The following SPAG16 variants were observed in gnomAD, a reference collection of about 807,000 sequenced individuals.
The protein encoded by SPAG16 is sperm-associated antigen 16 protein.
In SPAG16, 86 loss-of-function variants were observed where a neutral mutation model predicts 80.4. The ratio of observed to expected loss-of-function variants is 1.07; its 90% CI spans 0.90 to 1.28. The LOEUF (loss-of-function observed/expected upper bound fraction) is 1.28. SPAG16 is among the 50% of genes most tolerant of loss of function. SPAG16 has a pLI of 0.00. For synonymous variants in SPAG16, 294 were observed against 265.9 expected (o/e 1.11, Z -1.03); for missense variants, 870 against 765.3 (o/e 1.14, Z -1.61).
chr2:213,505,929 T>G (rs2074950361), intron 10 of SPAG16, among the ~76,000 whole-genome samples: 1 of 151,616 alleles, frequency 6.6e-6, no homozygotes, highest in South Asian at 2.1e-4. Context: ...AAATCATATA[T>G]AATAATATAT....
intron 15 of SPAG16, among the ~76,000 whole-genome samples, chr2:214,306,282 ACT>A (rs1287808563): frequency 6.6e-6 from 1 of 152,072 alleles, no homozygotes; most frequent in Admixed American, 6.6e-5. Flanking sequence ...TGGGGCTGAG[ACT>A]CTGGGATTTT....
At chr2:214,166,905 G>C (rs937327552) in intron 15 of SPAG16, among the ~76,000 whole-genome samples, 2 of 152,110 alleles carry the variant, frequency 1.3e-5, no homozygotes, top group African/African-American at 4.8e-5. Flanking sequence ...AAACCAAGAA[G>C]AGCTGGTATC....
chr2:214,302,228 C>G (rs998627702), intron 15 of SPAG16, among the ~76,000 whole-genome samples: 1 of 152,160 alleles, frequency 6.6e-6, no homozygotes, highest in Non-Finnish European at 1.5e-5. Flanking sequence ...ATGTTCTACG[C>G]ACAGATAATA....
chr2:214,102,031 C>T (rs955730948), intron 13 of SPAG16, among the ~76,000 whole-genome samples: 1 of 150,688 alleles, frequency 6.6e-6, no homozygotes, highest in Non-Finnish European at 1.5e-5. Context: ...CATTTCATGT[C>T]ATGACTGATC....
chr2:213,959,639 C>T (rs1218648728), intron 12 of SPAG16, among the ~76,000 whole-genome samples: 1 of 152,186 alleles, frequency 6.6e-6, no homozygotes, highest in African/African-American at 2.4e-5. Flanking sequence ...GGCATAATTA[C>T]ACAGGTACTC....
At chr2:213,407,989 G>T in intron 9 of SPAG16, among the ~76,000 whole-genome samples, 1 of 128,218 alleles carries the variant, frequency 7.8e-6, no homozygotes, top group South Asian at 2.9e-4. Flanking sequence ...AGAGAGAGGA[G>T]AGAGGCAGAG....
chr2:213,891,358 A>G (rs2076779929), intron 11 of SPAG16, among the ~76,000 whole-genome samples: 1 of 152,124 alleles, frequency 6.6e-6, no homozygotes, highest in African/African-American at 2.4e-5. Context: ...GGCTTTCAAA[A>G]TATGTTTTAA....
chr2:214,093,887 C>T (rs2052398692), intron 13 of SPAG16, among the ~76,000 whole-genome samples: 1 of 152,012 alleles, frequency 6.6e-6, no homozygotes, highest in African/African-American at 2.4e-5. Flanking sequence ...ATGACTTTGC[C>T]CAACTAACTT....
intron 4 of SPAG16, among the ~76,000 whole-genome samples, chr2:213,316,177 C>T (rs1049262086): frequency 1.3e-5 from 2 of 151,984 alleles, no homozygotes; most frequent in Non-Finnish European, 2.9e-5. Context: ...ATTACTCCAG[C>T]CACTCTGCTC....
At chr2:213,918,315 A>AT (rs2078059715) in intron 11 of SPAG16, among the ~76,000 whole-genome samples, 1 of 152,106 alleles carries the variant, frequency 6.6e-6, no homozygotes, top group Non-Finnish European at 1.5e-5. Context: ...CTCCTCCTCA[A>AT]TTTTTTGGAA....
At chr2:214,287,811 T>C (rs1477679738) in intron 15 of SPAG16, among the ~76,000 whole-genome samples, 1 of 152,218 alleles carries the variant, frequency 6.6e-6, no homozygotes, top group Non-Finnish European at 1.5e-5. Context: ...AACAAAATGC[T>C]TCACCTATCT....
intron 10 of SPAG16, among the ~76,000 whole-genome samples, chr2:213,860,473 C>A (rs370324139): frequency 0.076 from 5,931 of 77,964 alleles, 204 homozygotes; most frequent in South Asian, 0.16. Flanking sequence ...ATATATCTAT[C>A]TATATATATA....
chr2:213,562,992 C>T (rs2059643022), intron 10 of SPAG16, among the ~76,000 whole-genome samples: 1 of 152,160 alleles, frequency 6.6e-6, no homozygotes, highest in Non-Finnish European at 1.5e-5. Context: ...TCACGCTGGG[C>T]GTTAGGATTT....
intron 10 of SPAG16, among the ~76,000 whole-genome samples, chr2:213,574,906 A>G (rs974862809): frequency 1.3e-5 from 2 of 151,974 alleles, no homozygotes; most frequent in Admixed American, 6.6e-5. Context: ...GGTTTACACC[A>G]GTTTCTGCAG....
intron 5 of SPAG16, among the ~76,000 whole-genome samples, chr2:213,339,077 C>G (rs1437934838): frequency 6.6e-6 from 1 of 151,690 alleles, no homozygotes; most frequent in Non-Finnish European, 1.5e-5. Context: ...GATCAGAGAC[C>G]TTGCACCATA....
chr2:213,469,925 T>C (rs2072981774), intron 9 of SPAG16, among the ~76,000 whole-genome samples: 1 of 152,272 alleles, frequency 6.6e-6, no homozygotes, highest in Middle Eastern at 3.4e-3. Context: ...TTGTGTCTCC[T>C]GGTGGAAGCA....
chr2:213,948,129 G>A (rs2079554169), intron 12 of SPAG16, among the ~76,000 whole-genome samples: 1 of 151,936 alleles, frequency 6.6e-6, no homozygotes, highest in Non-Finnish European at 1.5e-5. Flanking sequence ...CTCTTCTCCA[G>A]CAATCCACCT....
At chr2:213,908,123 T>C (rs2077505745) in intron 11 of SPAG16, among the ~76,000 whole-genome samples, 1 of 152,160 alleles carries the variant, frequency 6.6e-6, no homozygotes, top group Non-Finnish European at 1.5e-5. Context: ...CTGTAGCACA[T>C]AAATATGTAC....
At chr2:213,764,246 T>A (rs1322848802) in intron 10 of SPAG16, among the ~76,000 whole-genome samples, 1 of 152,182 alleles carries the variant, frequency 6.6e-6, no homozygotes, top group Non-Finnish European at 1.5e-5. Flanking sequence ...TTAGGAGTAA[T>A]TTTCTTTCAG....
Sources: allele counts gnomAD v4.1 joint callset (sites outside exome capture counted in the v4.1 genomes callset), GRCh38; gene constraint gnomAD v4.1.1; transcripts MANE v1.5; gene names NCBI Gene and HGNC (gene_info 2026-07-23, HGNC 2026-07-21).